NOL4: variants seen among roughly 807,000 people sequenced by gnomAD.
The protein encoded by NOL4 is cancer/testis antigen 125.
A neutral mutation model predicts 75.9 loss-of-function variants in NOL4; 17 were observed. The ratio of observed to expected loss-of-function variants is 0.22; its 90% CI spans 0.15 to 0.34. NOL4 has a LOEUF of 0.34. NOL4 is among the 10% of genes least tolerant of loss of function. NOL4 has a pLI of 1.00. For synonymous variants in NOL4, 292 were observed against 289.9 expected (o/e 1.01, Z -0.07); for missense variants, 614 against 793.5 (o/e 0.77, Z 2.72).
At chr18:33,880,755 C>T (rs544466524) in intron 10 of NOL4, among the ~76,000 whole-genome samples, 50 of 152,042 alleles carry the variant, frequency 3.3e-4, no homozygotes, top group African/African-American at 1.1e-3. Context: ...ATGTGCATTA[C>T]AGCATTGGTG....
intron 1 of NOL4, among the ~76,000 whole-genome samples, chr18:34,220,804 A>G (rs2037244825): frequency 6.6e-6 from 1 of 152,198 alleles, no homozygotes; most frequent in Admixed American, 6.5e-5. Context: ...CCATTATCTA[A>G]CAATCACCTG....
At chr18:34,183,441 A>G (rs997546199) in intron 1 of NOL4, 11 of 151,918 alleles carry the variant, frequency 7.2e-5, no homozygotes, top group African/African-American at 2.7e-4. Context: ...GCTAGTGTGA[A>G]TGTAAACTGG....
intron 5 of NOL4, among the ~76,000 whole-genome samples, chr18:34,049,091 C>A (rs917112571): frequency 3.5e-5 from 5 of 142,866 alleles, no homozygotes; most frequent in Non-Finnish European, 6.4e-5. Context: ...CACACACACA[C>A]ACACACACAC....
At chr18:34,024,017 T>C (rs1323414523) in intron 5 of NOL4, among the ~76,000 whole-genome samples, 5 of 151,270 alleles carry the variant, frequency 3.3e-5, no homozygotes, top group Non-Finnish European at 5.9e-5. Context: ...TGAAGAGAAT[T>C]GGCCTAAAAT....
At chr18:33,896,094 G>T (rs946684051) in intron 9 of NOL4, among the ~76,000 whole-genome samples, 1 of 151,972 alleles carries the variant, frequency 6.6e-6, no homozygotes, top group East Asian at 1.9e-4. Flanking sequence ...CAGCTAACGA[G>T]GGAGGTGAAA....
chr18:34,053,652 T>G (rs545561915), intron 5 of NOL4, among the ~76,000 whole-genome samples: 1 of 151,984 alleles, frequency 6.6e-6, no homozygotes, highest in East Asian at 1.9e-4. Context: ...GAAACATACT[T>G]AAGAAAATAA....
At chr18:34,167,532 TTAGATAGA>T (rs71159861) in intron 1 of NOL4, among the ~76,000 whole-genome samples, 2,330 of 149,978 alleles carry the variant, frequency 0.016, 58 homozygotes, top group African/African-American at 0.054. Context: ...CCTCAAATAA[TTAGATAGA>T]TAGATAGATA....
At chr18:34,125,660 G>A (rs947730246) in intron 2 of NOL4, among the ~76,000 whole-genome samples, 7 of 151,954 alleles carry the variant, frequency 4.6e-5, no homozygotes, top group Non-Finnish European at 7.4e-5. Flanking sequence ...ATTAATGTTC[G>A]GAGTAAGGCT....
At position 33,958,331 on chromosome 18, in the gene NOL4, C is replaced by T. The variant is rs757628507; in HGVS notation, c.1144G>A (p.Asp382Asn). The T allele has an allele frequency of 3.1e-6, 5 of 1,613,860 alleles. No individual in the cohort carries two copies. The Admixed American group carries it at 8.3e-5, about 27-fold the overall frequency. The change falls in exon 7 of 11, where the codon GAT (aspartate) becomes AAT (asparagine). Residue 382 changes from aspartate (D) to asparagine (N), a missense_variant. Physicochemically the swap from Asp to Asn is conservative, Grantham distance 23. This residue lies in a region of NOL4 where 196 missense variants were observed against 167.9 expected (regional missense o/e 1.17). Transcript: ENST00000261592. ...GAEDLSLNRG[D>N]EDEDDHEDHD... is the part of the protein sequence containing the mutation. ...TCCTCGTGGTCATCTTCGTCCTCAT[C>T]TCCCCTGTTTAGTGAGAGGTCCTCA...
intron 10 of NOL4, among the ~76,000 whole-genome samples, chr18:33,863,287 G>C (rs1435716191): frequency 1.3e-5 from 2 of 152,058 alleles, no homozygotes; most frequent in African/African-American, 4.8e-5. Context: ...AGGGGAAGGG[G>C]GGAGGGATAG....
chr18:33,924,380 C>T (rs2067208690), intron 9 of NOL4, among the ~76,000 whole-genome samples: 1 of 152,172 alleles, frequency 6.6e-6, no homozygotes, highest in Non-Finnish European at 1.5e-5. Context: ...GGTGCTAAAA[C>T]TGTGTTTAAT....
intron 1 of NOL4, among the ~76,000 whole-genome samples, chr18:34,211,342 G>A (rs2036504299): frequency 6.6e-6 from 1 of 152,078 alleles, no homozygotes; most frequent in East Asian, 1.9e-4. Context: ...AAACAACAAT[G>A]ACCATGTAAA....
At position 34,223,557 on chromosome 18, in the gene NOL4, C is replaced by A; in HGVS notation, c.-304G>T. ...TTTTGTGACCAGGACCATCCCAACACCATTCTGGCCCAGAGGAGCTGGGTT... is the reference window on the plus strand; with the variant it reads ...TTTTGTGACCAGGACCATCCCAACAACATTCTGGCCCAGAGGAGCTGGGTT... On this transcript the variant is annotated 5_prime_UTR_variant, in exon 1 of 11. Transcript: ENST00000261592. 1 of 408,256 alleles carries A rather than the reference C, an allele frequency of 2.4e-6. No individual in the cohort carries two copies. Among genetic ancestry groups the A allele is most frequent in the Non-Finnish European group, 4.4e-6 (1 of 228,450 alleles). The allele number at this position is 408,256 out of a possible 1,614,324, so 25.3% of individuals were successfully genotyped here. A position where few individuals can be genotyped will look rare whatever the true frequency, so the allele number is the denominator to read the frequency against.
chr18:34,050,997 ATC>A (rs1383132761), intron 5 of NOL4, among the ~76,000 whole-genome samples: 1 of 151,962 alleles, frequency 6.6e-6, no homozygotes, highest in Non-Finnish European at 1.5e-5. Flanking sequence ...TGCATTACTA[ATC>A]TCTCTCTGCT....
chr18:33,873,754 AAGAC>A (rs1172591633), intron 10 of NOL4, among the ~76,000 whole-genome samples: 1 of 152,048 alleles, frequency 6.6e-6, no homozygotes, highest in Non-Finnish European at 1.5e-5. Context: ...ACTTGGTAGT[AAGAC>A]AGTTTTAAAA....
Position 33,852,798 on chromosome 18 carries a change from G to A in NOL4, c.*44C>T, listed in dbSNP as rs768846211. 2 of 1,545,554 alleles carry A rather than the reference G, an allele frequency of 1.3e-6. No individual in the cohort carries two copies. Among genetic ancestry groups the A allele is most frequent in the South Asian group, 2.4e-5 (2 of 83,730 alleles). Reference sequence around the variant, plus strand: ...TTGGGAAATCAAAATGTCATTAGTGGAAACTGCAAATTTAGACCTCAGTGA... The same window carrying A: ...TTGGGAAATCAAAATGTCATTAGTGAAAACTGCAAATTTAGACCTCAGTGA... On this transcript the variant is annotated 3_prime_UTR_variant, in exon 11 of 11. Transcript: ENST00000261592.
chr18:34,204,290 G>C (rs1462927180), intron 1 of NOL4, among the ~76,000 whole-genome samples: 1 of 152,086 alleles, frequency 6.6e-6, no homozygotes, highest in Non-Finnish European at 1.5e-5. Context: ...GTGATGATTA[G>C]TTCTTGTAGT....
chr18:34,119,777 A>C (rs544095555), intron 2 of NOL4, among the ~76,000 whole-genome samples: 36 of 151,924 alleles, frequency 2.4e-4, no homozygotes, highest in Non-Finnish European at 4.3e-4. Context: ...GCCCGCCACC[A>C]CGCCTGGCTA....
intron 5 of NOL4, among the ~76,000 whole-genome samples, chr18:34,058,783 G>A (rs2076938255): frequency 2.0e-5 from 3 of 152,166 alleles, no homozygotes; most frequent in Non-Finnish European, 4.4e-5. Flanking sequence ...TTGCAATAAT[G>A]AATGAATTAT....
Sources: gnomAD v4.1 joint callset for allele counts (sites outside exome capture counted in the v4.1 genomes callset) on GRCh38, gnomAD v4.1.1 for gene constraint, gnomAD v4.1.1 regional missense constraint, MANE v1.5 for transcripts, NCBI Gene and HGNC (gene_info 2026-07-23, HGNC 2026-07-21) for gene names.